FARP2: variants seen among roughly 807,000 people sequenced by gnomAD.
FARP2 encodes FERM, ARHGEF and pleckstrin domain-containing protein 2.
FARP2 carries 111 observed loss-of-function variants against 130.5 expected under a neutral mutation model. The observed-to-expected ratio is 0.85, with a 90% confidence interval of 0.73 to 1.00. The LOEUF is 1.00. FARP2 is among the 50% of genes least tolerant of loss of function. The probability of loss-of-function intolerance (pLI) is 0.00; values close to 1 mark genes in which losing one functional copy is unlikely to be tolerated. For synonymous variants in FARP2, 504 were observed against 516.9 expected, an observed-to-expected ratio of 0.98 and a Z score of 0.34; for missense variants, 1,385 against 1,346.3, an observed-to-expected ratio of 1.03 and a Z score of -0.45.
chr2:241,415,168 C>G (rs759845950), intron 7 of FARP2, among the ~76,000 whole-genome samples: 2 of 152,190 alleles, frequency 1.3e-5, no homozygotes, highest in African/African-American at 4.8e-5. Context: ...TTTGCCTGAC[C>G]TGACCTTGAG....
intron 18 of FARP2, among the ~76,000 whole-genome samples, chr2:241,469,863 A>G (rs1053457309): frequency 1.3e-5 from 2 of 152,214 alleles, no homozygotes; most frequent in African/African-American, 4.8e-5. Flanking sequence ...TTTCATCAGT[A>G]AAATGTATAG....
At chr2:241,434,652 T>C (rs1432883669) in intron 10 of FARP2, among the ~76,000 whole-genome samples, 1 of 152,092 alleles carries the variant, frequency 6.6e-6, no homozygotes, top group East Asian at 1.9e-4. Flanking sequence ...AGGAATTCGA[T>C]ATCAGCCTGG....
chr2:241,451,280 C>A (rs891298166), intron 13 of FARP2, among the ~76,000 whole-genome samples: 7 of 152,236 alleles, frequency 4.6e-5, no homozygotes, highest in African/African-American at 1.7e-4. Context: ...GGCCAATTTG[C>A]CGCTTTGAGA....
chr2:241,468,310 C>A lies in FARP2; in HGVS notation c.2064C>A (p.Tyr688Ter). The A allele has an allele frequency of 6.2e-7, 1 of 1,613,496 alleles. No homozygotes were observed. The highest frequency in any genetic ancestry group is 8.5e-7 in the Non-Finnish European group (1 of 1,180,030). Residue 688 changes from tyrosine to a stop codon, truncating the protein, a stop_gained, in exon 18 of 27, where the codon TAC becomes TAA. Transcript: ENST00000264042. LOFTEE classifies it high-confidence loss of function. ...LLKPIQRLLH[Y>*]RLLLRRLCGH... is the part of the protein sequence containing the mutation. ...AGCCCATCCAGCGGCTGCTGCACTA[C>A]CGCCTGCTGCTGCGCCGCCTATGCG... is the stretch of plus-strand genomic sequence containing the variant.
At chr2:241,374,451 A>G (rs1303752343) in intron 2 of FARP2, among the ~76,000 whole-genome samples, 2 of 152,234 alleles carry the variant, frequency 1.3e-5, no homozygotes, top group East Asian at 3.8e-4. Flanking sequence ...CAAGAGAATG[A>G]ATTTAAACTA....
At chr2:241,379,252 G>A (rs1393958723) in intron 2 of FARP2, among the ~76,000 whole-genome samples, 1 of 152,168 alleles carries the variant, frequency 6.6e-6, no homozygotes, top group Non-Finnish European at 1.5e-5. Context: ...GCGATTTAAA[G>A]GTTTTCTATT....
At chr2:241,441,187 A>C (rs1293225463) in intron 12 of FARP2, 117 bp from the exon 13 acceptor site, 1 of 900,594 alleles carries the variant, frequency 1.1e-6, no homozygotes, top group East Asian at 2.5e-5. Context: ...GCCCATTTTC[A>C]TGAAAGCTGT....
In FARP2 at chr2:241,457,563, C is replaced by T. The variant is rs373357040; in HGVS notation, c.1587+641C>T. On this transcript the variant is annotated intron_variant, in intron 14 of 26. Transcript: ENST00000264042. ...GTGCACTAGGGACCGCTTTGGGTTC[C>T]GGAGAGGCTCTTGGGCGGGAGACCC... 2.5e-3 allele frequency among the ~76,000 whole-genome samples: 177 copies of T among 71,110 alleles called. 4 individuals are homozygous for T. Among genetic ancestry groups the T allele is most frequent in the Non-Finnish European group, 3.2e-3 (117 of 36,888 alleles). 46.7% of individuals were successfully genotyped at this position (71,110 alleles called of 152,430 possible).
chr2:241,438,147 T>C (rs1349394242), intron 12 of FARP2, among the ~76,000 whole-genome samples: 2 of 152,210 alleles, frequency 1.3e-5, no homozygotes, highest in Admixed American at 1.3e-4. Context: ...CATAACTCTT[T>C]CTTCATGGTG....
intron 1 of FARP2, among the ~76,000 whole-genome samples, chr2:241,356,762 G>T (rs923661573): frequency 2.0e-5 from 3 of 152,356 alleles, no homozygotes; most frequent in Non-Finnish European, 4.4e-5. Context: ...CGGCAGGGCC[G>T]TGGGCCGGGG....
At chr2:241,465,923 C>G (rs2064157305) in intron 17 of FARP2, 1 of 1,425,550 alleles carries the variant, frequency 7.0e-7, no homozygotes, top group African/African-American at 1.4e-5. Context: ...TGCCCTTTTC[C>G]TGCCTCGACG....
rs2064883489 is a variant in FARP2 at position 241,491,054 on chromosome 2, C to G, written c.2505-7C>G. 1 of 1,608,706 alleles carries G rather than the reference C, an allele frequency of 6.2e-7. No individual in the cohort carries two copies. The highest frequency in any genetic ancestry group is 1.3e-5 in the African/African-American group (1 of 74,828). ...AGAGCCACTGAGCCTTGCCCTTCTC[C>G]CTGCAGCACTCGGCTGGAGAAAGAG... On this transcript the variant is annotated splice_region_variant and splice_polypyrimidine_tract_variant and intron_variant, in intron 22 of 26. Transcript: ENST00000264042.
chr2:241,406,064 G>A (rs1285921021), intron 4 of FARP2, among the ~76,000 whole-genome samples: 1 of 152,152 alleles, frequency 6.6e-6, no homozygotes, highest in East Asian at 1.9e-4. Context: ...AGCACTTTGG[G>A]AGGCCAAGGT....
intron 2 of FARP2, among the ~76,000 whole-genome samples, chr2:241,392,903 A>G (rs994690860): frequency 2.6e-5 from 4 of 151,530 alleles, no homozygotes; most frequent in Admixed American, 1.3e-4. Context: ...AGATGGCACC[A>G]CTACACTCCA....
Position 241,459,123 on chromosome 2 carries a change from A to T in FARP2, c.1587+2201A>T, listed in dbSNP as rs1163952596. Among the ~76,000 whole-genome samples, 1 of 152,224 alleles carries T rather than the reference A, an allele frequency of 6.6e-6. No homozygotes were observed. Among genetic ancestry groups the T allele is most frequent in the Non-Finnish European group, 1.5e-5 (1 of 68,034 alleles). On this transcript the variant is annotated intron_variant, in intron 14 of 26. Transcript: ENST00000264042. This position sits in a 1 kb window ranked among gnomAD's most constrained non-coding sequence, Gnocchi z 5.3. ...AGTTGAGATAGCAAGGCTGTTGCCC[A>T]GCACAGGTGGGCTCCGAGATGGCAA... is the stretch of plus-strand genomic sequence containing the variant.
intron 11 of FARP2, among the ~76,000 whole-genome samples, chr2:241,435,532 G>A (rs150362079): frequency 3.8e-5 from 5 of 132,478 alleles, no homozygotes; most frequent in African/African-American, 1.1e-4. Flanking sequence ...TTTTTTTTGA[G>A]ACGGAGTCTC....
At chr2:241,424,504 G>A (rs1050862405) in intron 8 of FARP2, among the ~76,000 whole-genome samples, 2 of 152,116 alleles carry the variant, frequency 1.3e-5, no homozygotes, top group Admixed American at 1.3e-4. Context: ...ACATCAAAAA[G>A]CTAGAAAGAT....
At chr2:241,433,608 G>A (rs1480679268) in intron 9 of FARP2, among the ~76,000 whole-genome samples, 3 of 152,202 alleles carry the variant, frequency 2.0e-5, no homozygotes, top group Non-Finnish European at 2.9e-5. Context: ...AATTCAGAAT[G>A]TTGATAGTTG....
At chr2:241,412,751 G>A (rs1470552121) in intron 6 of FARP2, among the ~76,000 whole-genome samples, 1 of 152,194 alleles carries the variant, frequency 6.6e-6, no homozygotes. Context: ...AGTAGTCCAG[G>A]TGCAGTAGCT....
Sources: allele counts gnomAD v4.1 joint callset (sites outside exome capture counted in the v4.1 genomes callset), GRCh38; gene constraint gnomAD v4.1.1; non-coding constraint Gnocchi (gnomAD v3.1); transcripts MANE v1.5; gene names NCBI Gene and HGNC (gene_info 2026-07-23, HGNC 2026-07-21).